Variants in GULP1 observed in about 807,000 individuals in gnomAD.
The protein encoded by GULP1 is PTB domain-containing engulfment adapter protein 1.
Under a neutral mutation model 40.9 loss-of-function variants are expected in GULP1, and 19 were observed. That is an observed-to-expected ratio of 0.46 (90% confidence interval 0.32 to 0.68). GULP1 has a LOEUF of 0.68. Among genes scored for constraint, GULP1 ranks in the 30% least tolerant of loss-of-function variants. GULP1 has a pLI of 0.03. For synonymous variants in GULP1, 119 were observed against 117.6 expected (o/e 1.01, Z -0.08); for missense variants, 312 against 362.2 (o/e 0.86, Z 1.12).
At chr2:188,351,982 C>T (rs1172665455) in intron 1 of GULP1, among the ~76,000 whole-genome samples, 1 of 151,964 alleles carries the variant, frequency 6.6e-6, no homozygotes, top group East Asian at 1.9e-4. Flanking sequence ...TTTTGTCTGG[C>T]ATGTATCCCT....
intron 6 of GULP1, among the ~76,000 whole-genome samples, chr2:188,529,799 A>G (rs900205060): frequency 4.6e-5 from 7 of 152,104 alleles, no homozygotes; most frequent in Non-Finnish European, 7.4e-5. Flanking sequence ...CACTCATCAA[A>G]TTGGATTAGG....
intron 4 of GULP1, among the ~76,000 whole-genome samples, chr2:188,484,128 G>A (rs868095575): frequency 1.3e-5 from 2 of 151,904 alleles, no homozygotes; most frequent in Non-Finnish European, 2.9e-5. Flanking sequence ...TGCTGGTCTC[G>A]AACTCCTGAC....
At chr2:188,436,640 T>TC (rs1313202409) in intron 2 of GULP1, among the ~76,000 whole-genome samples, 1 of 152,076 alleles carries the variant, frequency 6.6e-6, no homozygotes, top group African/African-American at 2.4e-5. Context: ...GTATTAAAAG[T>TC]TATTTTTTAT....
At chr2:188,403,702 C>G (rs1056422656) in intron 2 of GULP1, among the ~76,000 whole-genome samples, 1 of 152,102 alleles carries the variant, frequency 6.6e-6, no homozygotes, top group Non-Finnish European at 1.5e-5. Flanking sequence ...GACTGTCAAC[C>G]AAAAGGTGGC....
chr2:188,593,770 C>T (rs2153479481), intron 11 of GULP1, 170 bp from the exon 12 acceptor site: 1 of 493,150 alleles, frequency 2.0e-6, no homozygotes, highest in Non-Finnish European at 3.8e-6. Flanking sequence ...GAAAGAACTA[C>T]CAGTGCTATA....
chr2:188,506,100 G>A (rs2063885114), intron 4 of GULP1, among the ~76,000 whole-genome samples: 1 of 151,796 alleles, frequency 6.6e-6, no homozygotes, highest in Non-Finnish European at 1.5e-5. Context: ...GTTTTAGTGT[G>A]ATATTTCCTG....
chr2:188,501,896 AG>A (rs1444583840), intron 4 of GULP1, among the ~76,000 whole-genome samples: 2 of 151,964 alleles, frequency 1.3e-5, no homozygotes, highest in African/African-American at 4.8e-5. Context: ...CATATCAGCC[AG>A]GCAGGCTGTC....
At chr2:188,498,689 A>G (rs1202145825) in intron 4 of GULP1, among the ~76,000 whole-genome samples, 2 of 151,876 alleles carry the variant, frequency 1.3e-5, no homozygotes, top group Non-Finnish European at 2.9e-5. Context: ...ATAAATAAAA[A>G]TAATATATTA....
chr2:188,536,428 AT>A (rs1320114975), intron 6 of GULP1, among the ~76,000 whole-genome samples: 1 of 152,118 alleles, frequency 6.6e-6, no homozygotes, highest in Non-Finnish European at 1.5e-5. Flanking sequence ...TCCCAGCAAC[AT>A]TTATTGAATA....
intron 10 of GULP1, among the ~76,000 whole-genome samples, chr2:188,586,927 C>T (rs536992150): frequency 4.6e-5 from 7 of 151,694 alleles, no homozygotes; most frequent in Non-Finnish European, 8.8e-5. Context: ...GGTACATGTG[C>T]ACATTGTGCA....
At chr2:188,409,478 A>G (rs1161951772) in intron 2 of GULP1, among the ~76,000 whole-genome samples, 2 of 152,174 alleles carry the variant, frequency 1.3e-5, no homozygotes, top group East Asian at 1.9e-4. Flanking sequence ...TCTCCCATGA[A>G]GGAAAAGCCC....
intron 2 of GULP1, among the ~76,000 whole-genome samples, chr2:188,389,523 A>T (rs1574939990): frequency 6.6e-6 from 1 of 152,178 alleles, no homozygotes; most frequent in Non-Finnish European, 1.5e-5. Context: ...TAAATGTATT[A>T]TGAGTCTTAG....
intron 10 of GULP1, 80 bp from the exon 11 acceptor site, chr2:188,587,775 T>C: frequency 2.6e-6 from 2 of 769,932 alleles, no homozygotes; most frequent in Non-Finnish European, 4.5e-6. Context: ...TATTCATTTA[T>C]ATAATCCTGC....
intron 5 of GULP1, among the ~76,000 whole-genome samples, chr2:188,523,317 G>A (rs893516109): frequency 4.6e-5 from 7 of 152,160 alleles, no homozygotes; most frequent in Admixed American, 1.3e-4. Flanking sequence ...GGCAATGTCC[G>A]TAAGTAGCCA....
chr2:188,458,066 C>A (rs1364213992), intron 2 of GULP1, among the ~76,000 whole-genome samples: 1 of 152,128 alleles, frequency 6.6e-6, no homozygotes, highest in African/African-American at 2.4e-5. Context: ...TGAGAAAATA[C>A]ATGCAATTAG....
chr2:188,314,039 T>C (rs1288807428), intron 1 of GULP1, among the ~76,000 whole-genome samples: 1 of 151,852 alleles, frequency 6.6e-6, no homozygotes, highest in Admixed American at 6.6e-5. Context: ...TAAAGTAACA[T>C]AATAAGACTC....
rs1036240584 is a variant in GULP1, at chr2:188,306,092, T to C, written c.-172+13926T>C. ...CGTGCCTGGCCTGATTTCTTCTTAA[T>C]CCCATTTTTCCTCCTTGGTTTTGTC... is the stretch of plus-strand genomic sequence containing the variant. On this transcript the variant is annotated intron_variant, in intron 1 of 11. Coordinates refer to ENST00000409830, the MANE Select transcript of GULP1 (RefSeq NM_016315.4). Among the ~76,000 whole-genome samples, 7 of 152,112 alleles carry C rather than the reference T, an allele frequency of 4.6e-5. No homozygotes were observed. In the East Asian group the frequency reaches 1.4e-3, roughly 29 times the overall value.
At chr2:188,504,293 T>G (rs773730143) in intron 4 of GULP1, among the ~76,000 whole-genome samples, 14 of 151,896 alleles carry the variant, frequency 9.2e-5, no homozygotes, top group Non-Finnish European at 2.1e-4. Context: ...CTGTAGAAAT[T>G]CATTGGGACT....
intron 2 of GULP1, among the ~76,000 whole-genome samples, chr2:188,470,175 C>A (rs781645319): frequency 3.9e-5 from 6 of 152,054 alleles, no homozygotes; most frequent in Non-Finnish European, 7.4e-5. Flanking sequence ...AGCAGTGAAG[C>A]CATCAGGTCC....
Sources: gnomAD v4.1 joint callset for allele counts (sites outside exome capture counted in the v4.1 genomes callset) on GRCh38, gnomAD v4.1.1 for gene constraint, MANE v1.5 for transcripts, NCBI Gene and HGNC (gene_info 2026-07-23, HGNC 2026-07-21) for gene names.